Variants in ZNF525 observed in about 807,000 individuals in gnomAD.
The protein encoded by ZNF525 is zinc finger protein 525.
A neutral mutation model predicts 37.6 loss-of-function variants in ZNF525; 33 were observed. The observed-to-expected ratio is 0.88, with a 90% confidence interval of 0.67 to 1.17. The LOEUF (loss-of-function observed/expected upper bound fraction) is 1.17, where lower values mean the gene tolerates loss of function less well. Among genes scored for constraint, ZNF525 ranks in the 50% most tolerant of loss-of-function variants. The pLI, the probability that ZNF525 is intolerant of heterozygous loss-of-function variation, is 0.00. For synonymous variants in ZNF525, 170 were observed against 182.3 expected, an observed-to-expected ratio of 0.93 and a Z score of 0.54; for missense variants, 449 against 543.1, an observed-to-expected ratio of 0.83 and a Z score of 1.72.
Position 53,385,023 on chromosome 19 carries a change from C to G in ZNF525, c.*3004C>G, listed in dbSNP as rs1370673737. 5 of 700,998 alleles carry G rather than the reference C, an allele frequency of 7.1e-6. No individual in the cohort carries two copies. The highest frequency in any genetic ancestry group is 1.0e-5 in the Non-Finnish European group (4 of 384,406). The allele number at this position is 700,998 out of a possible 1,614,324, so 43.4% of individuals were successfully genotyped here. A position where few individuals can be genotyped will look rare whatever the true frequency, so the allele number is the denominator to read the frequency against. The stretch of plus-strand genomic sequence containing the variant: ...TTGTGGAACGCTTTTTCTCCATCTA[C>G]TAAGGTGATGTGGTTTTAATCTTTC... On this transcript the variant is annotated 3_prime_UTR_variant, in exon 4 of 4. Coordinates refer to ENST00000474037, the MANE Select transcript of ZNF525 (RefSeq NM_001348156.2).
chr19:53,382,924 G>A lies in ZNF525; in HGVS notation c.*905G>A. 1 of 1,460,278 alleles carries A rather than the reference G, an allele frequency of 6.8e-7. No individual in the cohort carries two copies. The highest frequency in any genetic ancestry group is 1.1e-5 in the South Asian group (1 of 88,176). 90.5% of individuals were successfully genotyped at this position (1,460,278 alleles called of 1,614,324 possible). On this transcript the variant is annotated 3_prime_UTR_variant, in exon 4 of 4. Transcript: ENST00000474037. ...ACAAGTGTAATGAGTGTGGTAAGAT[G>A]TTCAGTCAAAATTCGGCCCTTGTAA...
At chr19:53,372,378 G>A in intron 2 of ZNF525, 82 bp downstream of exon 2, 1 of 741,162 alleles carries the variant, frequency 1.3e-6, no homozygotes, top group Non-Finnish European at 2.5e-6. Flanking sequence ...TTCTAAGTCT[G>A]AAGCTTCCTG....
intron 3 of ZNF525, among the ~76,000 whole-genome samples, chr19:53,378,783 C>T (rs572670571): frequency 6.6e-6 from 1 of 152,168 alleles, no homozygotes; most frequent in African/African-American, 2.4e-5. Context: ...GTAGTCAACA[C>T]CCGTGACCAA....
chr19:53,371,432 C>T (rs2085487518), intron 1 of ZNF525, among the ~76,000 whole-genome samples: 1 of 152,088 alleles, frequency 6.6e-6, no homozygotes, highest in Non-Finnish European at 1.5e-5. Context: ...AGTGCAGTGA[C>T]ATGATCTCGG....
In ZNF525 at chr19:53,368,668, C is replaced by T. The variant is rs553951154; in HGVS notation, c.-68+2909C>T. ...GGAGGAGGCTCTGGTAACTTCTGGT[C>T]TACCTGCTTGTAGAATAATTTAAAG... On this transcript the variant is annotated intron_variant, in intron 1 of 3. Coordinates refer to ENST00000474037, the MANE Select transcript of ZNF525 (RefSeq NM_001348156.2). 4.0e-4 allele frequency among the ~76,000 whole-genome samples: 61 copies of T among 152,264 alleles called. 1 individual carries two copies. The highest frequency in any genetic ancestry group is 1.4e-3 in the African/African-American group (58 of 41,544).
chr19:53,382,567 G>A lies in ZNF525; in HGVS notation c.*548G>A. On this transcript the variant is annotated 3_prime_UTR_variant, in exon 4 of 4. Coordinates refer to ENST00000474037, the MANE Select transcript of ZNF525 (RefSeq NM_001348156.2). ...GTCATACTGGAGAGAAACCTTAGAAGTGCAATGAGTGTGGCAAAACCTTTC... is the reference window on the plus strand; with the variant it reads ...GTCATACTGGAGAGAAACCTTAGAAATGCAATGAGTGTGGCAAAACCTTTC... The A allele has an allele frequency of 3.0e-6, 2 of 663,778 alleles. No homozygotes were observed. The highest frequency in any genetic ancestry group is 1.8e-5 in the African/African-American group (1 of 56,444). The allele number at this position is 663,778 out of a possible 1,614,324, so 41.1% of individuals were successfully genotyped here.
At position 53,382,741 on chromosome 19, in the gene ZNF525, T is replaced by A; in HGVS notation, c.*722T>A. On this transcript the variant is annotated 3_prime_UTR_variant, in exon 4 of 4. Transcript: ENST00000474037. ...ATAAAGAGAGACCTTACAAGTGTGA[T>A]AAATGTGACAAATTTTTCAGACATC... 1.2e-6 allele frequency: 1 copy of A among 843,542 alleles called. No individual in the cohort carries two copies. The highest frequency in any genetic ancestry group is 2.0e-6 in the Non-Finnish European group (1 of 501,922). The allele number at this position is 843,542 out of a possible 1,614,324, so 52.3% of individuals were successfully genotyped here. A position where few individuals can be genotyped will look rare whatever the true frequency, so the allele number is the denominator to read the frequency against.
intron 2 of ZNF525, among the ~76,000 whole-genome samples, chr19:53,374,473 T>C (rs58970105): frequency 0.016 from 2,498 of 152,264 alleles, 56 homozygotes; most frequent in African/African-American, 0.057. Flanking sequence ...CCTACAGATA[T>C]CTGAAATTTC....
intron 3 of ZNF525, among the ~76,000 whole-genome samples, chr19:53,377,499 A>G (rs979627152): frequency 2.0e-5 from 3 of 150,228 alleles, no homozygotes; most frequent in Non-Finnish European, 1.5e-5. Flanking sequence ...ATTTACCTTT[A>G]CTGGAGAATT....
chr19:53,380,337 C>T lies in ZNF525; in HGVS notation c.143-385C>T, dbSNP rs192396196. Among the ~76,000 whole-genome samples, 30 of 152,246 alleles carry T rather than the reference C, an allele frequency of 2.0e-4. No homozygotes were observed. The East Asian group carries it at 4.6e-3, about 24-fold the overall frequency. On this transcript the variant is annotated intron_variant, in intron 3 of 3. Transcript: ENST00000474037. ...TTTCCATTGATTTTGGTTATCCTTA[C>T]ATGAGCTTGCTGTGGATTATTTACC...
chr19:53,368,575 A>G (rs1262128119), intron 1 of ZNF525, among the ~76,000 whole-genome samples: 1 of 152,216 alleles, frequency 6.6e-6, no homozygotes. Context: ...CTACAAACAT[A>G]ACATGAGGAA....
At position 53,372,413 on chromosome 19, in the gene ZNF525, C is replaced by T. The variant is rs189110675; in HGVS notation, c.15+117C>T. On this transcript the variant is annotated intron_variant, in intron 2 of 3. Coordinates refer to ENST00000474037, the MANE Select transcript of ZNF525 (RefSeq NM_001348156.2). ...GCCTGACAGGTTTGCTCACATTCAC[C>T]CATGCCTTCCCTCAGTCCCTCTCAT... 440 of 744,958 alleles carry T rather than the reference C, an allele frequency of 5.9e-4. 5 individuals carry two copies. Among genetic ancestry groups the T allele is most frequent in the Middle Eastern group, 1.2e-3 (5 of 4,246 alleles). The allele number at this position is 744,958 out of a possible 1,614,324, so 46.1% of individuals were successfully genotyped here.
chr19:53,369,371 C>G (rs200423062), intron 1 of ZNF525, among the ~76,000 whole-genome samples: 1 of 151,786 alleles, frequency 6.6e-6, no homozygotes, highest in East Asian at 1.9e-4. Context: ...GCCTCTCAGG[C>G]ACCCACCACC....
rs564158077 is a variant in ZNF525, at chr19:53,366,945, A to G, written c.-68+1186A>G. On this transcript the variant is annotated intron_variant, in intron 1 of 3. Transcript: ENST00000474037. ...GTACACAGCGGCTCAGCAGATTTAC[A>G]TCTAAAAAGCTGAGCATTTCAACAA... is the stretch of plus-strand genomic sequence containing the variant. Among the ~76,000 whole-genome samples the G allele has an allele frequency of 2.6e-5, 4 of 152,290 alleles. No individual in the cohort carries two copies. In the East Asian group the frequency reaches 5.8e-4, roughly 22 times the overall value.
chr19:53,381,065 T>A lies in ZNF525; in HGVS notation c.486T>A (p.Asn162Lys). The A allele has an allele frequency of 1.3e-6, 2 of 1,517,564 alleles. No homozygotes were observed. The highest frequency in any genetic ancestry group is 1.7e-4 in the Middle Eastern group (1 of 5,876). 94.0% of individuals were successfully genotyped at this position (1,517,564 alleles called of 1,614,324 possible). A position where few individuals can be genotyped will look rare whatever the true frequency, so the allele number is the denominator to read the frequency against. The change falls in exon 4 of 4, where the codon AAT becomes AAA. Residue 162 changes from asparagine to lysine, a missense_variant. Physicochemically the swap from Asn to Lys is moderately conservative, Grantham distance 94 (BLOSUM62 0). Coordinates refer to ENST00000474037, the MANE Select transcript of ZNF525 (RefSeq NM_001348156.2). Reference protein sequence around the residue: ...HIFQPKGKINNQVEKSINDAS... With the variant: ...HIFQPKGKINKQVEKSINDAS... ...TTCAGCCCAAAGGGAAAATTAATAA[T>A]CAAGTGGAGAAGTCTATCAACGATG...
At chr19:53,375,646 A>G in intron 2 of ZNF525, 124 bp from the exon 3 acceptor site, 1 of 1,601,230 alleles carries the variant, frequency 6.2e-7, no homozygotes. Flanking sequence ...AAAACCCCTT[A>G]CTCGGATTTG....
Position 53,383,532 on chromosome 19 carries a change from A to T in ZNF525, c.*1513A>T. ...TTCGGACGTGATTCACACCTGGCAC[A>T]ACATCCCAGAGTTCACACTGGAGAG... On this transcript the variant is annotated 3_prime_UTR_variant, in exon 4 of 4. Coordinates refer to ENST00000474037, the MANE Select transcript of ZNF525 (RefSeq NM_001348156.2). 3.0e-6 allele frequency: 4 copies of T among 1,313,422 alleles called. No homozygotes were observed. Among genetic ancestry groups the T allele is most frequent in the Non-Finnish European group, 4.2e-6 (4 of 948,452 alleles). The allele number at this position is 1,313,422 out of a possible 1,614,324, so 81.4% of individuals were successfully genotyped here. A position where few individuals can be genotyped will look rare whatever the true frequency, so the allele number is the denominator to read the frequency against.
At chr19:53,373,820 C>CA (rs34058383) in intron 2 of ZNF525, among the ~76,000 whole-genome samples, 52,817 of 143,226 alleles carry the variant, frequency 0.37, 11,226 homozygotes, top group Non-Finnish European at 0.48. Flanking sequence ...GACTTCGTCT[C>CA]AAAAAAAAAA....
At chr19:53,367,301 G>A (rs2085455127) in intron 1 of ZNF525, among the ~76,000 whole-genome samples, 1 of 114,752 alleles carries the variant, frequency 8.7e-6, no homozygotes, top group Non-Finnish European at 1.9e-5. Context: ...TATTCTTGGA[G>A]TGAATGAATA....
Sources: gnomAD v4.1 joint callset for allele counts (sites outside exome capture counted in the v4.1 genomes callset) on GRCh38, gnomAD v4.1.1 for gene constraint, MANE v1.5 for transcripts, NCBI Gene and HGNC (gene_info 2026-07-23, HGNC 2026-07-21) for gene names.